Variants in ROBO1 observed in about 807,000 individuals in gnomAD.
The protein encoded by ROBO1 is roundabout homolog 1.
In ROBO1, 149 loss-of-function variants were observed where a neutral mutation model predicts 195.9. The ratio of observed to expected loss-of-function variants is 0.76; its 90% CI spans 0.67 to 0.87. The LOEUF (loss-of-function observed/expected upper bound fraction) is 0.87. Among genes scored for constraint, ROBO1 ranks in the 40% least tolerant of loss-of-function variants. ROBO1 has a pLI of 0.00. For missense variants in ROBO1, 1,933 were observed against 2,068.3 expected (o/e 0.93, Z 1.27); for synonymous variants, 816 against 733.2 (o/e 1.11, Z -1.82).
At chr3:79,207,921 T>C (rs774272581) in intron 2 of ROBO1, among the ~76,000 whole-genome samples, 1 of 152,130 alleles carries the variant, frequency 6.6e-6, no homozygotes, top group South Asian at 2.1e-4. Flanking sequence ...AAGTAATTTA[T>C]TTAGCTAAAT....
chr3:79,537,715 T>G (rs1251395908), intron 2 of ROBO1, among the ~76,000 whole-genome samples: 1 of 151,434 alleles, frequency 6.6e-6, no homozygotes, highest in South Asian at 2.1e-4. Flanking sequence ...GAGGGGAACA[T>G]CACACACGGG....
At chr3:79,725,202 A>T (rs1234690411) in intron 1 of ROBO1, among the ~76,000 whole-genome samples, 1 of 147,318 alleles carries the variant, frequency 6.8e-6, no homozygotes, top group East Asian at 2.0e-4. Flanking sequence ...AAGATGCCTT[A>T]TGAGAAACAT....
intron 2 of ROBO1, among the ~76,000 whole-genome samples, chr3:79,516,691 A>G (rs1208445215): frequency 3.3e-5 from 5 of 152,206 alleles, no homozygotes. Flanking sequence ...TAAAAGCTGC[A>G]TGCTATTTAA....
At chr3:78,677,292 C>A (rs1254379030) in intron 10 of ROBO1, among the ~76,000 whole-genome samples, 1 of 152,142 alleles carries the variant, frequency 6.6e-6, no homozygotes, top group Non-Finnish European at 1.5e-5. Context: ...CATCTAACAT[C>A]ATAATGACAA....
intron 1 of ROBO1, among the ~76,000 whole-genome samples, chr3:79,595,048 A>C (rs1944120530): frequency 6.6e-6 from 1 of 151,948 alleles, no homozygotes; most frequent in African/African-American, 2.4e-5. Context: ...CAAGATATAG[A>C]TCCTTTCCAC....
chr3:79,114,569 A>G (rs1019765106), intron 3 of ROBO1, among the ~76,000 whole-genome samples: 2 of 152,072 alleles, frequency 1.3e-5, no homozygotes, highest in Admixed American at 6.6e-5. Flanking sequence ...GCAGTAAGCA[A>G]CCATTACTCT....
At chr3:78,745,504 C>G (rs1251165533) in intron 5 of ROBO1, among the ~76,000 whole-genome samples, 2 of 152,084 alleles carry the variant, frequency 1.3e-5, no homozygotes, top group Non-Finnish European at 2.9e-5. Flanking sequence ...TTCTTACCTT[C>G]ATTGTACATG....
chr3:79,489,994 T>A (rs1379282712), intron 2 of ROBO1, among the ~76,000 whole-genome samples: 3 of 152,218 alleles, frequency 2.0e-5, no homozygotes, highest in African/African-American at 7.2e-5. Flanking sequence ...TGAAAGAGAC[T>A]CCTTTAGGGA....
intron 2 of ROBO1, among the ~76,000 whole-genome samples, chr3:79,373,603 T>C (rs1239644854): frequency 1.3e-5 from 2 of 152,234 alleles, no homozygotes; most frequent in Non-Finnish European, 2.9e-5. Context: ...CCACTGAAAC[T>C]CTGCCATTTT....
intron 4 of ROBO1, among the ~76,000 whole-genome samples, chr3:78,896,634 T>C (rs1239863834): frequency 7.7e-5 from 2 of 25,808 alleles, no homozygotes; most frequent in Non-Finnish European, 1.4e-4. Flanking sequence ...TGCACCCAAG[T>C]AAAATAAACA....
chr3:79,530,755 C>CCACCCACA (rs1553759579), intron 2 of ROBO1, among the ~76,000 whole-genome samples: 2 of 128,130 alleles, frequency 1.6e-5, no homozygotes, highest in Admixed American at 8.1e-5. Context: ...CACCTTGTAA[C>CCACCCACA]CACACACACA....
At chr3:78,683,133 C>T (rs1048920798) in intron 10 of ROBO1, among the ~76,000 whole-genome samples, 3 of 151,108 alleles carry the variant, frequency 2.0e-5, no homozygotes, top group African/African-American at 7.3e-5. Flanking sequence ...TGTAGATACA[C>T]ACACACACAC....
intron 4 of ROBO1, among the ~76,000 whole-genome samples, chr3:78,868,011 A>G (rs1219629681): frequency 1.3e-5 from 2 of 152,170 alleles, no homozygotes; most frequent in African/African-American, 4.8e-5. Context: ...CCCTGCTGAT[A>G]GAGTTGTAGC....
At chr3:78,652,058 C>T in intron 18 of ROBO1, 129 bp from the exon 19 acceptor site, 3 of 715,284 alleles carry the variant, frequency 4.2e-6, no homozygotes, top group Admixed American at 2.8e-5. Flanking sequence ...CACCACTCAC[C>T]ATCATCAAAT....
intron 1 of ROBO1, among the ~76,000 whole-genome samples, chr3:79,618,013 G>A (rs544888335): frequency 1.3e-5 from 2 of 151,338 alleles, no homozygotes; most frequent in East Asian, 3.9e-4. Flanking sequence ...AGATCAAACA[G>A]AAGAAAGAAT....
At chr3:79,391,536 C>G (rs2036950335) in intron 2 of ROBO1, among the ~76,000 whole-genome samples, 1 of 152,070 alleles carries the variant, frequency 6.6e-6, no homozygotes. Context: ...ACAAACCTCC[C>G]ACTTCCCCAT....
At chr3:79,444,143 T>G (rs1318255105) in intron 2 of ROBO1, among the ~76,000 whole-genome samples, 2 of 152,146 alleles carry the variant, frequency 1.3e-5, no homozygotes, top group Non-Finnish European at 2.9e-5. Context: ...AATATATTGT[T>G]AATTTCAATG....
At chr3:79,589,702 C>A in intron 2 of ROBO1, 122 bp downstream of exon 2, 1 of 754,240 alleles carries the variant, frequency 1.3e-6, no homozygotes, top group Non-Finnish European at 2.3e-6. Flanking sequence ...GACATTCACA[C>A]AGACTTACAA....
chr3:78,692,362 C>T (rs539479337), intron 8 of ROBO1, among the ~76,000 whole-genome samples: 198 of 152,050 alleles, frequency 1.3e-3, no homozygotes, highest in African/African-American at 4.5e-3. Flanking sequence ...CTCTGCCTCC[C>T]GGGTTCAAGT....
Sources: allele counts gnomAD v4.1 joint callset (sites outside exome capture counted in the v4.1 genomes callset), GRCh38; gene constraint gnomAD v4.1.1; transcripts MANE v1.5; gene names NCBI Gene and HGNC (gene_info 2026-07-23, HGNC 2026-07-21).